SFMBT2: variants seen among roughly 807,000 people sequenced by gnomAD.
SFMBT2 encodes Scm like with four mbt domains 2.
SFMBT2 carries 38 observed loss-of-function variants against 110.1 expected under a neutral mutation model. The observed-to-expected ratio is 0.35, with a 90% CI of 0.27 to 0.45. The LOEUF is 0.45. Ranked by LOEUF, SFMBT2 falls within the 20% of genes least tolerant of loss-of-function variation. The pLI, the probability that SFMBT2 is intolerant of heterozygous loss-of-function variation, is 1.00. For synonymous variants in SFMBT2, 425 were observed against 425.4 expected (o/e 1.00, Z 0.01); for missense variants, 1,011 against 1,094.9 (o/e 0.92, Z 1.08).
intron 5 of SFMBT2, 123 bp from the exon 6 acceptor site, chr10:7,284,273 C>T (rs61834651): frequency 0.098 from 145,352 of 1,486,868 alleles, 8,144 homozygotes; most frequent in Non-Finnish European, 0.11. Flanking sequence ...AACAGTCTGG[C>T]GTTCCCTCCA....
chr10:7,192,188 C>G (rs1427442151), intron 15 of SFMBT2, among the ~76,000 whole-genome samples: 1 of 152,164 alleles, frequency 6.6e-6, no homozygotes, highest in African/African-American at 2.4e-5. Flanking sequence ...AAATTGAAAA[C>G]AGCAGCAACA....
intron 11 of SFMBT2, among the ~76,000 whole-genome samples, chr10:7,215,263 G>C (rs548181350): frequency 1.3e-5 from 2 of 152,254 alleles, no homozygotes; most frequent in South Asian, 4.2e-4. Context: ...AAATTAGCCA[G>C]GTGTGGTGGC....
intron 16 of SFMBT2, among the ~76,000 whole-genome samples, chr10:7,179,537 C>T (rs1838182245): frequency 6.6e-6 from 1 of 152,072 alleles, no homozygotes; most frequent in African/African-American, 2.4e-5. Flanking sequence ...CAGTTTTATC[C>T]ACTACGAGTT....
chr10:7,390,746 G>A (rs1361300890), intron 1 of SFMBT2, among the ~76,000 whole-genome samples: 1 of 152,164 alleles, frequency 6.6e-6, no homozygotes. Context: ...CCTCTAACTA[G>A]ACACTACAGA....
intron 4 of SFMBT2, among the ~76,000 whole-genome samples, chr10:7,298,472 T>C (rs1458535356): frequency 3.9e-5 from 6 of 152,156 alleles, no homozygotes; most frequent in Admixed American, 3.9e-4. Context: ...ATTCCTGAAG[T>C]CTCAGTCTGA....
In SFMBT2 at chr10:7,284,101, A is replaced by G. The variant is rs1156703672; in HGVS notation, c.575T>C (p.Ile192Thr). ...AGGGTTCTGGGAATCCTGAAGTTCT[A>G]TTAAGGAACCAACTGTAATGAGGTC... The part of the protein sequence containing the change: ...PIDLITVGSL[I>T]ELQDSQNPFQ... The change falls in exon 6 of 21, where the codon ATA becomes ACA. Residue 192 changes from isoleucine (I) to threonine (T), a missense_variant. Physicochemically the swap from Ile to Thr is moderately conservative, Grantham distance 89 (BLOSUM62 -1). Transcript: ENST00000397167. 1.9e-6 allele frequency: 3 copies of G among 1,614,122 alleles called. No individual in the cohort carries two copies. The African/African-American group carries it at 4.0e-5, about 22-fold the overall frequency.
At chr10:7,392,759 T>G (rs1845803764) in intron 1 of SFMBT2, among the ~76,000 whole-genome samples, 1 of 151,844 alleles carries the variant, frequency 6.6e-6, no homozygotes, top group Admixed American at 6.6e-5. Flanking sequence ...GCTTTATTTC[T>G]TCTAAAACTT....
At position 7,160,138 on chromosome 10, in the gene SFMBT2, A is replaced by C. The variant is rs1837511557; in HGVS notation, c.*3632T>G. ...AATACTGTGTCTGACTCCAACTTGG[A>C]TCAAATGACTCTAATTTTGAAAGTG... On this transcript the variant is annotated 3_prime_UTR_variant, in exon 21 of 21. Transcript: ENST00000397167. 6.6e-6 allele frequency: 1 copy of C among 152,214 alleles called. No homozygotes were observed. The highest frequency in any genetic ancestry group is 1.5e-5 in the Non-Finnish European group (1 of 68,040). 9.4% of individuals were successfully genotyped at this position (152,214 alleles called of 1,614,324 possible).
Position 7,202,333 on chromosome 10 carries a change from A to G in SFMBT2, c.1487+147T>C, listed in dbSNP as rs540818354. Reference sequence around the variant, plus strand: ...CTTGCACATAACAGGTACATAACAAATAACAGTCACTATGTTTTACTGCTA... The same window carrying G: ...CTTGCACATAACAGGTACATAACAAGTAACAGTCACTATGTTTTACTGCTA... On this transcript the variant is annotated intron_variant, in intron 13 of 20. Transcript: ENST00000397167. 48 of 1,004,418 alleles carry G rather than the reference A, an allele frequency of 4.8e-5. 1 individual carries two copies. The highest frequency in any genetic ancestry group is 9.6e-5 in the African/African-American group (6 of 62,438). 62.2% of individuals were successfully genotyped at this position (1,004,418 alleles called of 1,614,324 possible). A position where few individuals can be genotyped will look rare whatever the true frequency, so the allele number is the denominator to read the frequency against.
chr10:7,321,843 C>T (rs1332590426), intron 4 of SFMBT2, among the ~76,000 whole-genome samples: 1 of 152,210 alleles, frequency 6.6e-6, no homozygotes, highest in Non-Finnish European at 1.5e-5. Context: ...CTTACATTTG[C>T]AATGCATTTG....
chr10:7,213,157 T>G (rs191852090), intron 11 of SFMBT2, among the ~76,000 whole-genome samples: 10 of 152,204 alleles, frequency 6.6e-5, no homozygotes. Context: ...GATGACGGGT[T>G]GATGGGTGCA....
chr10:7,179,405 A>C (rs141536780), intron 16 of SFMBT2, among the ~76,000 whole-genome samples: 6,379 of 150,080 alleles, frequency 0.043, 477 homozygotes, highest in African/African-American at 0.15. Context: ...AAAAAAAAAA[A>C]AAAAAAAAAA....
chr10:7,170,838 G>A lies in SFMBT2; in HGVS notation c.2544+90C>T, dbSNP rs1837853548. ...GCAGCGCCGAAGAACCCCCTCGCAG[G>A]TGTCACGAGGAAGCCGGCTAGGACA... On this transcript the variant is annotated intron_variant, in intron 20 of 20. Coordinates refer to ENST00000397167, the MANE Select transcript of SFMBT2 (RefSeq NM_001387889.1). This position sits in a 1 kb window ranked among gnomAD's most constrained non-coding sequence, Gnocchi z 4.6. 7 of 1,503,328 alleles carry A rather than the reference G, an allele frequency of 4.7e-6. No homozygotes were observed. In the South Asian group the frequency reaches 8.1e-5, roughly 17 times the overall value. The allele number at this position is 1,503,328 out of a possible 1,614,324, so 93.1% of individuals were successfully genotyped here.
Position 7,172,492 on chromosome 10 carries a change from T to G in SFMBT2, c.2151+3A>C, listed in dbSNP as rs1377281110. On this transcript the variant is annotated splice_donor_region_variant and intron_variant, in intron 18 of 20. Coordinates refer to ENST00000397167, the MANE Select transcript of SFMBT2 (RefSeq NM_001387889.1). This position sits in a 1 kb window ranked among gnomAD's most constrained non-coding sequence, Gnocchi z 4.6. ...GCTGGCAGGTGCCCCGGGCAGAACA[T>G]ACCTCCCCCGAGCCCGCGGTGAAGT... 1 of 1,613,612 alleles carries G rather than the reference T, an allele frequency of 6.2e-7. No homozygotes were observed. The highest frequency in any genetic ancestry group is 2.2e-5 in the East Asian group (1 of 44,862).
chr10:7,392,979 T>C lies in SFMBT2; in HGVS notation c.-51-11030A>G, dbSNP rs570159163. 9.2e-5 allele frequency among the ~76,000 whole-genome samples: 11 copies of C among 119,580 alleles called. No individual in the cohort carries two copies. In the South Asian group the frequency reaches 3.3e-3, roughly 35 times the overall value. The allele number at this position is 119,580 out of a possible 152,430, so 78.4% of individuals were successfully genotyped here. On this transcript the variant is annotated intron_variant, in intron 1 of 20. Coordinates refer to ENST00000397167, the MANE Select transcript of SFMBT2 (RefSeq NM_001387889.1). ...TATCCTATATATACAAGTATGTGGA[T>C]AGATTATATATATATATATATATAT...
intron 6 of SFMBT2, among the ~76,000 whole-genome samples, chr10:7,280,095 T>G (rs1185399934): frequency 6.6e-6 from 1 of 152,198 alleles, no homozygotes; most frequent in African/African-American, 2.4e-5. Flanking sequence ...AGTTCTCTCT[T>G]GATCTACTAT....
chr10:7,381,847 AG>A lies in SFMBT2; in HGVS notation c.51del (p.Leu18TrpfsTer61). 6.2e-7 allele frequency: 1 copy of A among 1,613,740 alleles called. No individual in the cohort carries two copies. The highest frequency in any genetic ancestry group is 8.5e-7 in the Non-Finnish European group (1 of 1,179,802). On this transcript the variant is annotated frameshift_variant, in exon 2 of 21. Coordinates refer to ENST00000397167, the MANE Select transcript of SFMBT2 (RefSeq NM_001387889.1). LOFTEE classifies it high-confidence loss of function. ...TTAGCTGAGCCGAGACACTTTTCCA[AG>A]GGTGAAGATGAAGGGTCTTGCATAT... is the stretch of plus-strand genomic sequence containing the variant. The part of the protein sequence containing the change: ...ASNMQDPSSS[P>X]LEKCLGSANG...
intron 4 of SFMBT2, among the ~76,000 whole-genome samples, chr10:7,343,389 T>C (rs1843991392): frequency 6.6e-6 from 1 of 152,208 alleles, no homozygotes; most frequent in South Asian, 2.1e-4. Flanking sequence ...ATGATTTCTA[T>C]TCCTTTGGGT....
At chr10:7,312,442 T>G (rs1416554960) in intron 4 of SFMBT2, among the ~76,000 whole-genome samples, 1 of 152,146 alleles carries the variant, frequency 6.6e-6, no homozygotes. Context: ...CAGCACAGAT[T>G]TGGGGGAACA....
Sources: allele counts gnomAD v4.1 joint callset (sites outside exome capture counted in the v4.1 genomes callset), GRCh38; gene constraint gnomAD v4.1.1; non-coding constraint Gnocchi (gnomAD v3.1); transcripts MANE v1.5; gene names NCBI Gene and HGNC (gene_info 2026-07-23, HGNC 2026-07-21).